Variants in PPP1R21 observed in about 807,000 individuals in gnomAD.
The protein encoded by PPP1R21 is KLRAQ motif containing 1.
Under a neutral mutation model 112.8 loss-of-function variants are expected in PPP1R21, and 85 were observed. The observed-to-expected ratio is 0.75, with a 90% confidence interval of 0.63 to 0.90. The LOEUF is 0.90. PPP1R21 is among the 40% of genes least tolerant of loss of function. The probability of loss-of-function intolerance (pLI) is 0.00; values close to 1 mark genes in which losing one functional copy is unlikely to be tolerated. For missense variants in PPP1R21, 1,199 were observed against 901.5 expected (o/e 1.33, Z -4.23); for synonymous variants, 381 against 322.3 (o/e 1.18, Z -1.95).
At chr2:48,496,224 A>C (rs1211590564) in intron 16 of PPP1R21, among the ~76,000 whole-genome samples, 1 of 152,160 alleles carries the variant, frequency 6.6e-6, no homozygotes, top group East Asian at 1.9e-4. Flanking sequence ...GGAAAAAAAA[A>C]ATATGTATAT....
At chr2:48,488,201 A>T (rs776825231) in intron 14 of PPP1R21, among the ~76,000 whole-genome samples, 1 of 152,110 alleles carries the variant, frequency 6.6e-6, no homozygotes, top group Non-Finnish European at 1.5e-5. Context: ...TTACAGATCT[A>T]TGTGCAAAGG....
At position 48,441,014 on chromosome 2, in the gene PPP1R21, C is replaced by G. The variant is rs764884358; in HGVS notation, c.57+4C>G. ...GCTGGCTCAGGAGTACTCGAAGGTA[C>G]CCATCGTGGTCTGGGAGTAGGGGGT... On this transcript the variant is annotated splice_donor_region_variant and intron_variant, in intron 1 of 21. Coordinates refer to ENST00000294952, the MANE Select transcript of PPP1R21 (RefSeq NM_001135629.3). 6.2e-7 allele frequency: 1 copy of G among 1,602,362 alleles called. No individual in the cohort carries two copies. The highest frequency in any genetic ancestry group is 8.5e-7 in the Non-Finnish European group (1 of 1,170,494).
At chr2:48,455,474 C>T (rs1004965906) in intron 3 of PPP1R21, among the ~76,000 whole-genome samples, 1 of 152,018 alleles carries the variant, frequency 6.6e-6, no homozygotes, top group African/African-American at 2.4e-5. Flanking sequence ...TCCGTTGTTA[C>T]ACCTGGATAT....
rs34546075 is a variant in PPP1R21, at chr2:48,507,749, C to CTTTTTTTTTTTT, written c.2085+387_2085+398dup. ...AAGACTGATTTGAGTGAGGCTCTGC[C>CTTTTTTTTTTTT]TTTTTTTTTTTTTTTTTTTTTTTTT... On this transcript the variant is annotated intron_variant, in intron 19 of 21. Coordinates refer to ENST00000294952, the MANE Select transcript of PPP1R21 (RefSeq NM_001135629.3). Among the ~76,000 whole-genome samples the CTTTTTTTTTTTT allele has an allele frequency of 1.1e-3, 46 of 42,410 alleles. 11 individuals carry two copies. The highest frequency in any genetic ancestry group is 2.2e-3 in the East Asian group (2 of 908). 27.8% of individuals were successfully genotyped at this position (42,410 alleles called of 152,430 possible). A position where few individuals can be genotyped will look rare whatever the true frequency, so the allele number is the denominator to read the frequency against.
chr2:48,493,933 A>G (rs1669684249), intron 15 of PPP1R21, among the ~76,000 whole-genome samples: 1 of 151,826 alleles, frequency 6.6e-6, no homozygotes, highest in African/African-American at 2.4e-5. Context: ...TATGTTGAAA[A>G]TGTTGCAGCC....
intron 17 of PPP1R21, 151 bp from the exon 18 acceptor site, chr2:48,505,413 C>A: frequency 1.6e-6 from 1 of 616,556 alleles, no homozygotes. Context: ...ATCTTCATGT[C>A]CTTGTAGTAA....
chr2:48,458,225 C>G lies in PPP1R21; in HGVS notation c.373C>G (p.Gln125Glu). Residue 125 changes from glutamine to glutamate, a missense_variant and splice_region_variant, in exon 4 of 22, where the codon CAA becomes GAA. Physicochemically the swap from Gln to Glu is conservative, Grantham distance 29. Transcript: ENST00000294952. Reference protein sequence around the residue: ...KIEENERLHIQFFEADEQHKH... With the variant: ...KIEENERLHIEFFEADEQHKH... Reference sequence around the variant, plus strand: ...AGAAGAGAATGAACGGTTGCATATACAAGTGAGAAAATCTGTTTTTCTATG... The same window carrying G: ...AGAAGAGAATGAACGGTTGCATATAGAAGTGAGAAAATCTGTTTTTCTATG... The G allele has an allele frequency of 1.9e-6, 3 of 1,600,294 alleles. No individual in the cohort carries two copies. Among genetic ancestry groups the G allele is most frequent in the South Asian group, 1.1e-5 (1 of 90,616 alleles).
In PPP1R21 at chr2:48,440,848, G is replaced by A; in HGVS notation, c.-106G>A. 1.3e-6 allele frequency: 1 copy of A among 770,814 alleles called. No homozygotes were observed. The highest frequency in any genetic ancestry group is 2.1e-6 in the Non-Finnish European group (1 of 474,870). The allele number at this position is 770,814 out of a possible 1,614,324, so 47.7% of individuals were successfully genotyped here. On this transcript the variant is annotated 5_prime_UTR_variant, in exon 1 of 22. Transcript: ENST00000294952. ...CGGCGGCGGCGGCTGCGGTGGCCAA[G>A]CAGGCAGATACTGCCTGACCCGTTC...
rs537795090 is a variant in PPP1R21 at position 48,489,664 on chromosome 2, G to A, written c.1447-1354G>A. 6.3e-4 allele frequency among the ~76,000 whole-genome samples: 96 copies of A among 152,104 alleles called. 1 individual carries two copies. The highest frequency in any genetic ancestry group is 2.2e-3 in the African/African-American group (92 of 41,544). On this transcript the variant is annotated intron_variant, in intron 14 of 21. Transcript: ENST00000294952. ...TTATCAAAGGATTCTTAAAGAAACT[G>A]CACTTTGGGCTGGGCACGGTAGCTC...
At chr2:48,453,268 A>G (rs1053153493) in intron 2 of PPP1R21, among the ~76,000 whole-genome samples, 10 of 152,178 alleles carry the variant, frequency 6.6e-5, no homozygotes, top group Admixed American at 5.9e-4. Flanking sequence ...TTGCTGTTTC[A>G]ATACAGTTAA....
intron 2 of PPP1R21, among the ~76,000 whole-genome samples, chr2:48,454,380 A>G (rs1427107060): frequency 6.6e-6 from 1 of 152,220 alleles, no homozygotes; most frequent in Non-Finnish European, 1.5e-5. Flanking sequence ...ACTTTAGTAT[A>G]GTTGCTCTTA....
intron 9 of PPP1R21, 30 bp downstream of exon 9, chr2:48,465,672 G>T: frequency 6.3e-7 from 1 of 1,597,214 alleles, no homozygotes; most frequent in East Asian, 2.2e-5. Flanking sequence ...CATTTTGTTT[G>T]CCCTGAACAA....
intron 1 of PPP1R21, among the ~76,000 whole-genome samples, chr2:48,444,988 G>A (rs543437243): frequency 1.3e-5 from 2 of 151,404 alleles, no homozygotes; most frequent in South Asian, 2.1e-4. Flanking sequence ...TATACTCTTA[G>A]TACACAGCTA....
intron 13 of PPP1R21, among the ~76,000 whole-genome samples, chr2:48,480,413 T>G (rs886246343): frequency 6.6e-5 from 10 of 152,210 alleles, no homozygotes; most frequent in Non-Finnish European, 1.0e-4. Context: ...AGGAATACAC[T>G]AACTTTCCAC....
At chr2:48,491,934 T>C (rs998158233) in intron 15 of PPP1R21, among the ~76,000 whole-genome samples, 2 of 152,202 alleles carry the variant, frequency 1.3e-5, no homozygotes, top group African/African-American at 4.8e-5. Context: ...GGACTACTTA[T>C]AGACAGTGCA....
chr2:48,495,449 G>T (rs576806008), intron 15 of PPP1R21, among the ~76,000 whole-genome samples: 5 of 152,066 alleles, frequency 3.3e-5, no homozygotes, highest in Admixed American at 6.6e-5. Context: ...TGATCCGCTC[G>T]CCTCGACCTC....
chr2:48,452,074 T>A (rs973449612), intron 2 of PPP1R21, among the ~76,000 whole-genome samples: 8 of 152,220 alleles, frequency 5.3e-5, no homozygotes, highest in African/African-American at 1.9e-4. Context: ...AGCTTTATAG[T>A]CAGGATTTAT....
intron 1 of PPP1R21, among the ~76,000 whole-genome samples, chr2:48,449,662 GA>G (rs746913230): frequency 3.9e-5 from 6 of 152,112 alleles, no homozygotes; most frequent in Non-Finnish European, 5.9e-5. Flanking sequence ...TTTTGGCACA[GA>G]AAAGGGTCAT....
Position 48,440,953 on chromosome 2 carries a change from C to T in PPP1R21, c.-1C>T. The T allele has an allele frequency of 6.2e-7, 1 of 1,609,018 alleles. No homozygotes were observed. The highest frequency in any genetic ancestry group is 8.5e-7 in the Non-Finnish European group (1 of 1,176,596). On this transcript the variant is annotated 5_prime_UTR_variant, in exon 1 of 22. Transcript: ENST00000294952. ...CTGGCCTGTACGGGGCGGGGGAGGC[C>T]ATGGCCTCGGCTGAGTTGCAGGGGA...
Sources: allele counts gnomAD v4.1 joint callset (sites outside exome capture counted in the v4.1 genomes callset), GRCh38; gene constraint gnomAD v4.1.1; transcripts MANE v1.5; gene names NCBI Gene and HGNC (gene_info 2026-07-23, HGNC 2026-07-21).